KCNAB1: variants seen among roughly 807,000 people sequenced by gnomAD.
KCNAB1 encodes potassium voltage-gated channel subfamily A regulatory beta subunit 1.
A neutral mutation model predicts 64.6 loss-of-function variants in KCNAB1; 35 were observed. The ratio of observed to expected loss-of-function variants is 0.54; its 90% CI spans 0.41 to 0.72. The LOEUF (loss-of-function observed/expected upper bound fraction) is 0.72, where lower values mean the gene tolerates loss of function less well. Ranked by LOEUF, KCNAB1 falls within the 30% of genes least tolerant of loss-of-function variation. The pLI, the probability that KCNAB1 is intolerant of heterozygous loss-of-function variation, is 0.00. For missense variants in KCNAB1, 401 were observed against 512.9 expected (o/e 0.78, Z 2.11); for synonymous variants, 177 against 183.8 (o/e 0.96, Z 0.30).
intron 1 of KCNAB1, among the ~76,000 whole-genome samples, chr3:156,352,592 C>T (rs534816423): frequency 6.6e-6 from 1 of 152,190 alleles, no homozygotes; most frequent in Non-Finnish European, 1.5e-5. Context: ...CCTTACTCGG[C>T]CCTGGACAGC....
intron 13 of KCNAB1, among the ~76,000 whole-genome samples, chr3:156,532,266 G>A (rs989312685): frequency 6.6e-6 from 1 of 152,134 alleles, no homozygotes; most frequent in Non-Finnish European, 1.5e-5. Flanking sequence ...TGGGTGGGTT[G>A]AAAGGATGTT....
At chr3:156,400,599 C>G (rs962841384) in intron 1 of KCNAB1, among the ~76,000 whole-genome samples, 1 of 152,304 alleles carries the variant, frequency 6.6e-6, no homozygotes, top group Non-Finnish European at 1.5e-5. Flanking sequence ...CACTCTAGTT[C>G]TAATAGATTT....
chr3:156,308,150 T>C lies in KCNAB1; in HGVS notation c.276-113466T>C, dbSNP rs568857216. On this transcript the variant is annotated intron_variant, in intron 1 of 13. Transcript: ENST00000490337. ...TTATTTGATAACTTTCAGTAATAGA[T>C]TGGAAGAAAGTGAGCAAGTGAGCCT... 5.3e-5 allele frequency among the ~76,000 whole-genome samples: 8 copies of C among 152,246 alleles called. No individual in the cohort carries two copies. In the South Asian group the frequency reaches 1.5e-3, roughly 28 times the overall value.
At chr3:156,237,104 G>A (rs1469866627) in intron 1 of KCNAB1, among the ~76,000 whole-genome samples, 1 of 152,158 alleles carries the variant, frequency 6.6e-6, no homozygotes, top group Non-Finnish European at 1.5e-5. Flanking sequence ...GTTTGAACAG[G>A]AAGGTTAGAA....
intron 1 of KCNAB1, among the ~76,000 whole-genome samples, chr3:156,237,284 A>G (rs549462831): frequency 3.3e-5 from 5 of 152,350 alleles, no homozygotes; most frequent in Non-Finnish European, 5.9e-5. Context: ...AGTTTACTAA[A>G]TGGATAAAAT....
intron 1 of KCNAB1, among the ~76,000 whole-genome samples, chr3:156,393,221 C>G (rs1054890261): frequency 5.3e-5 from 8 of 152,072 alleles, no homozygotes; most frequent in African/African-American, 1.7e-4. Context: ...AAGGAGACTG[C>G]CTTAAAGGAG....
intron 1 of KCNAB1, among the ~76,000 whole-genome samples, chr3:156,180,651 T>TA (rs1252207936): frequency 1.3e-5 from 2 of 152,244 alleles, no homozygotes; most frequent in African/African-American, 4.8e-5. Context: ...TTTGAATACC[T>TA]ACCACATGCA....
intron 1 of KCNAB1, among the ~76,000 whole-genome samples, chr3:156,277,404 A>G (rs570402744): frequency 6.6e-5 from 10 of 152,170 alleles, no homozygotes; most frequent in Non-Finnish European, 1.3e-4. Context: ...GACTTGCTCC[A>G]TGCAGGGTTG....
chr3:156,214,946 A>G (rs534250118), intron 1 of KCNAB1, among the ~76,000 whole-genome samples: 1 of 152,318 alleles, frequency 6.6e-6, no homozygotes, highest in Admixed American at 6.5e-5. Context: ...CCTTCCTTGG[A>G]AATGTCTATT....
chr3:156,169,749 T>C (rs1711838018), intron 1 of KCNAB1, among the ~76,000 whole-genome samples: 1 of 152,230 alleles, frequency 6.6e-6, no homozygotes, highest in Non-Finnish European at 1.5e-5. Flanking sequence ...GCTCTTTCTC[T>C]CCTGCTCTGC....
chr3:156,477,561 G>T (rs1576917643), intron 8 of KCNAB1, among the ~76,000 whole-genome samples: 2 of 152,102 alleles, frequency 1.3e-5, no homozygotes, highest in South Asian at 4.1e-4. Context: ...CATTCCACAG[G>T]CAGCTCCTCA....
chr3:156,514,560 A>ATTAATT, intron 9 of KCNAB1, 111 bp downstream of exon 9: 1 of 733,430 alleles, frequency 1.4e-6, no homozygotes. Context: ...TCACTATGGC[A>ATTAATT]CTGGAATTCT....
chr3:156,461,353 G>T (rs1452724217), intron 5 of KCNAB1, among the ~76,000 whole-genome samples: 1 of 152,202 alleles, frequency 6.6e-6, no homozygotes, highest in East Asian at 1.9e-4. Flanking sequence ...TCCAGTGGTT[G>T]CCAGCCATCC....
intron 1 of KCNAB1, among the ~76,000 whole-genome samples, chr3:156,299,260 T>C (rs1044446003): frequency 6.6e-6 from 1 of 152,246 alleles, no homozygotes; most frequent in Non-Finnish European, 1.5e-5. Flanking sequence ...CTTCTCTACA[T>C]AGGCAGAATT....
At chr3:156,511,040 C>G (rs1228852183) in intron 8 of KCNAB1, among the ~76,000 whole-genome samples, 3 of 152,182 alleles carry the variant, frequency 2.0e-5, no homozygotes, top group Non-Finnish European at 4.4e-5. Context: ...ACCTCTGGCC[C>G]AGATTGCTCA....
chr3:156,261,205 T>C (rs1204285019), intron 1 of KCNAB1, among the ~76,000 whole-genome samples: 2 of 152,124 alleles, frequency 1.3e-5, no homozygotes, highest in East Asian at 3.8e-4. Flanking sequence ...CTTAATGATA[T>C]CTTAAGTAAT....
At chr3:156,140,668 T>G (rs1000293864) in intron 1 of KCNAB1, among the ~76,000 whole-genome samples, 20 of 152,200 alleles carry the variant, frequency 1.3e-4, no homozygotes, top group African/African-American at 4.1e-4. Flanking sequence ...AAAATTCATT[T>G]AGGTAGAAAA....
rs1176081355 is a variant in KCNAB1, at chr3:156,290,026, G to T, written c.276-131590G>T. Among the ~76,000 whole-genome samples, 12 of 152,150 alleles carry T rather than the reference G, an allele frequency of 7.9e-5. No individual in the cohort carries two copies. The East Asian group carries it at 2.1e-3, about 27-fold the overall frequency. On this transcript the variant is annotated intron_variant, in intron 1 of 13. Coordinates refer to ENST00000490337, the MANE Select transcript of KCNAB1 (RefSeq NM_172160.3). ...CTGGGCACCCATGAGCTTCTTGAGG[G>T]CCCAGCCTCTGTTTCAGCCATCTTT...
chr3:156,511,697 C>G (rs1386716006), intron 8 of KCNAB1, among the ~76,000 whole-genome samples: 2 of 152,194 alleles, frequency 1.3e-5, no homozygotes, highest in African/African-American at 4.8e-5. Context: ...ACAACAATAC[C>G]TTCCTCAAGC....
Sources: allele counts gnomAD v4.1 joint callset (sites outside exome capture counted in the v4.1 genomes callset), GRCh38; gene constraint gnomAD v4.1.1; transcripts MANE v1.5; gene names NCBI Gene and HGNC (gene_info 2026-07-23, HGNC 2026-07-21).